USP50: variants seen among roughly 807,000 people sequenced by gnomAD.
USP50 encodes the protein ubiquitin carboxyl-terminal hydrolase 50.
In USP50, 37 loss-of-function variants were observed where a neutral mutation model predicts 39.2. The observed-to-expected ratio is 0.94, with a 90% CI of 0.73 to 1.24. USP50 has a LOEUF of 1.24. Among genes scored for constraint, USP50 ranks in the 50% most tolerant of loss-of-function variants. USP50 has a pLI of 0.00. For synonymous variants in USP50, 139 were observed against 144.5 expected, an observed-to-expected ratio of 0.96 and a Z score of 0.27; for missense variants, 374 against 398.2, an observed-to-expected ratio of 0.94 and a Z score of 0.52.
intron 5 of USP50, among the ~76,000 whole-genome samples, chr15:50,531,334 G>A (rs1329986654): frequency 6.6e-6 from 1 of 152,090 alleles, no homozygotes; most frequent in African/African-American, 2.4e-5. Context: ...TCAACTGGTG[G>A]AGACATAAGC....
chr15:50,542,480 C>CTTT (rs1491341726), intron 3 of USP50, among the ~76,000 whole-genome samples: 2 of 111,244 alleles, frequency 1.8e-5, no homozygotes, highest in Non-Finnish European at 1.9e-5. Flanking sequence ...TTTTCCTTTT[C>CTTT]ATTTTTTTTT....
intron 5 of USP50, among the ~76,000 whole-genome samples, chr15:50,535,780 G>T (rs1479808401): frequency 6.6e-6 from 1 of 152,068 alleles, no homozygotes; most frequent in Non-Finnish European, 1.5e-5. Flanking sequence ...GCTGGGCATG[G>T]TCCTAGCTAC....
downstream of USP50, chr15:50,495,967 T>C: frequency 6.2e-7 from 1 of 1,613,942 alleles, no homozygotes; most frequent in Admixed American, 1.7e-5. Context: ...TTGCACTTTT[T>C]CAGGGTCAAT....
At chr15:50,505,635 T>C (rs1463511056) in intron 6 of USP50, 1 of 152,128 alleles carries the variant, frequency 6.6e-6, no homozygotes, top group Non-Finnish European at 1.5e-5. Context: ...TAGAAAACCA[T>C]GATAATGTCT....
downstream of USP50, among the ~76,000 whole-genome samples, chr15:50,496,309 A>G (rs1272034712): frequency 1.3e-5 from 2 of 151,948 alleles, no homozygotes; most frequent in East Asian, 1.9e-4. Flanking sequence ...GTGAAACCCC[A>G]TCTCTACTAA....
intron 6 of USP50, chr15:50,510,361 T>G (rs1263271131): frequency 6.6e-5 from 10 of 152,074 alleles, no homozygotes; most frequent in Non-Finnish European, 1.3e-4. Context: ...TAGAAAAGAT[T>G]GATGTTCCAA....
chr15:50,495,401 T>C (rs2052352986), intron 1 of USP50, among the ~76,000 whole-genome samples: 1 of 151,658 alleles, frequency 6.6e-6, no homozygotes, highest in Non-Finnish European at 1.5e-5. Context: ...ATATGTCCAG[T>C]TGTAGCCCTA....
At chr15:50,496,481 A>G (rs1016697965), downstream of USP50, among the ~76,000 whole-genome samples, 5 of 12,840 alleles carry the variant, frequency 3.9e-4, no homozygotes, top group African/African-American at 3.7e-3. Context: ...ACTCCGTCTT[A>G]AAAAAAAAAA....
intron 5 of USP50, among the ~76,000 whole-genome samples, chr15:50,530,808 C>A (rs2052934764): frequency 6.6e-6 from 1 of 152,080 alleles, no homozygotes; most frequent in African/African-American, 2.4e-5. Context: ...GAAGCAGAAA[C>A]CCCATTGATA....
downstream of USP50, chr15:50,497,421 C>T: frequency 2.1e-6 from 1 of 477,862 alleles, no homozygotes. Context: ...AGTACCACAG[C>T]AAAATGACAA....
downstream of USP50, chr15:50,498,535 G>T: frequency 6.7e-7 from 1 of 1,493,724 alleles, no homozygotes; most frequent in South Asian, 1.4e-5. Context: ...AGATGTTAAT[G>T]AATGAGGATT....
At chr15:50,494,919 G>GC (rs1415558605) in intron 1 of USP50, among the ~76,000 whole-genome samples, 1 of 151,828 alleles carries the variant, frequency 6.6e-6, no homozygotes, top group Non-Finnish European at 1.5e-5. Context: ...GGTGGCTGAA[G>GC]CAGGAGAATC....
chr15:50,509,132 C>CAAAAAAAAAAAAA (rs57125859), intron 6 of USP50: 1 of 41,368 alleles, frequency 2.4e-5, no homozygotes, highest in Non-Finnish European at 4.1e-5. Flanking sequence ...GACTCCGTCA[C>CAAAAAAAAAAAAA]AAAAAAAAAA....
intron 5 of USP50, among the ~76,000 whole-genome samples, chr15:50,530,134 C>G (rs1470831929): frequency 6.6e-6 from 1 of 152,110 alleles, no homozygotes; most frequent in Non-Finnish European, 1.5e-5. Context: ...TGGCAAAACC[C>G]CGTCTCTACA....
downstream of USP50, chr15:50,499,095 A>G (rs1198802758): frequency 1.1e-5 from 18 of 1,587,988 alleles, no homozygotes; most frequent in Non-Finnish European, 1.4e-5. Context: ...ATAAGGAGAC[A>G]TAGGTTATAA....
intron 1 of USP50, among the ~76,000 whole-genome samples, chr15:50,494,792 A>T (rs563486959): frequency 1.3e-5 from 2 of 152,300 alleles, no homozygotes; most frequent in East Asian, 3.9e-4. Context: ...AGGCTGGTGG[A>T]TCACCTGAGG....
At chr15:50,504,142 A>G (rs2052626787) in intron 6 of USP50, 1 of 152,218 alleles carries the variant, frequency 6.6e-6, no homozygotes, top group Admixed American at 6.5e-5. Flanking sequence ...TGTAACAACT[A>G]TTTACATAGT....
Position 50,544,665 on chromosome 15 carries a change from G to A in USP50, c.170C>T (p.Ala57Val), listed in dbSNP as rs757294699. The change falls in exon 2 of 7, where the codon GCC becomes GTC. Residue 57 changes from alanine (A) to valine (V), a missense_variant. Physicochemically the swap from Ala to Val is moderately conservative, Grantham distance 64. Coordinates refer to ENST00000532404, the MANE Select transcript of USP50 (RefSeq NM_203494.5). ...GATGCTGCAGAGACACTGTGAGATG[G>A]CATTCACGCAGCATGTGTTGCCCAA... ...WNLGNTCCVN[A>V]ISQCLCSILP... The A allele has an allele frequency of 2.5e-6, 4 of 1,613,864 alleles. No homozygotes were observed. In the South Asian group the frequency reaches 3.3e-5, roughly 13 times the overall value.
chr15:50,544,533 T>A, intron 2 of USP50, 54 bp downstream of exon 2: 2 of 1,531,254 alleles, frequency 1.3e-6, no homozygotes, highest in Non-Finnish European at 1.8e-6. Context: ...TCTAACCTCA[T>A]CTGTGGGGAA....
Sources: gnomAD v4.1 joint callset for allele counts (sites outside exome capture counted in the v4.1 genomes callset) on GRCh38, gnomAD v4.1.1 for gene constraint, MANE v1.5 for transcripts, NCBI Gene and HGNC (gene_info 2026-07-23, HGNC 2026-07-21) for gene names.